ABL1: variants seen among roughly 807,000 people sequenced by gnomAD.
ABL1 encodes ABL proto-oncogene 1, non-receptor tyrosine kinase, also known as tyrosine-protein kinase ABL1.
In ABL1, 11 loss-of-function variants were observed where a neutral mutation model predicts 94.7. The observed-to-expected ratio is 0.12, with a 90% CI of 0.07 to 0.19. ABL1 has a LOEUF of 0.19. Among genes scored for constraint, ABL1 ranks in the 10% least tolerant of loss-of-function variants. The probability of loss-of-function intolerance (pLI) is 1.00; values close to 1 mark genes in which losing one functional copy is unlikely to be tolerated. For missense variants in ABL1, 1,082 were observed against 1,489.4 expected (o/e 0.73, Z 4.50); for synonymous variants, 656 against 622.4 (o/e 1.05, Z -0.80).
chr9:130,872,092 C>A lies in ABL1; in HGVS notation c.823-37C>A, dbSNP rs1410714271. ...GTACTTACCCACTGAAAAGCACTTC[C>A]TGAAATAATTTCACCTTCGTTTTTT... On this transcript the variant is annotated intron_variant, in intron 4 of 10. Coordinates refer to ENST00000318560, the MANE Select transcript of ABL1 (RefSeq NM_005157.6). The surrounding 1 kb of genome is among the most constrained non-coding windows in gnomAD (Gnocchi z 5.0). The A allele has an allele frequency of 1.9e-6, 3 of 1,600,028 alleles. No homozygotes were observed. In the East Asian group the frequency reaches 6.7e-5, roughly 36 times the overall value.
intron 1 of ABL1, chr9:130,725,081 T>TA (rs1449470187): frequency 4.7e-6 from 1 of 210,656 alleles, no homozygotes; most frequent in Non-Finnish European, 9.9e-6. Flanking sequence ...TTTATTGTGG[T>TA]AAAATATACA....
intron 1 of ABL1, among the ~76,000 whole-genome samples, chr9:130,837,077 C>T (rs1830600865): frequency 6.6e-6 from 1 of 152,140 alleles, no homozygotes; most frequent in Admixed American, 6.5e-5. Flanking sequence ...AGTTTGTGTA[C>T]CTCACTCCTC....
intron 1 of ABL1, among the ~76,000 whole-genome samples, chr9:130,727,255 C>G (rs1212761356): frequency 7.1e-6 from 1 of 140,888 alleles, no homozygotes; most frequent in Non-Finnish European, 1.5e-5. Context: ...TTTGTAGAGA[C>G]AAGGTTTCAC....
chr9:130,873,176 C>A, intron 6 of ABL1, 139 bp downstream of exon 6: 2 of 900,680 alleles, frequency 2.2e-6, no homozygotes, highest in Non-Finnish European at 3.3e-6. Flanking sequence ...GACCTTGGAA[C>A]AAAGGCAAAC....
intron 1 of ABL1, among the ~76,000 whole-genome samples, chr9:130,777,144 T>C (rs1352294284): frequency 6.6e-6 from 1 of 152,260 alleles, no homozygotes; most frequent in Non-Finnish European, 1.5e-5. Context: ...GTTTGGATTA[T>C]CTCCAGTTTC....
exon 1 of ABL1, among the ~76,000 whole-genome samples, chr9:130,713,091 T>TGGAGCC (rs2132659426): frequency 6.6e-6 from 1 of 152,332 alleles, no homozygotes; most frequent in South Asian, 2.1e-4. Context: ...TGAGCAGCGC[T>TGGAGCC]GGAGCCGGAG....
chr9:130,760,404 G>C (rs1832096004), intron 1 of ABL1, among the ~76,000 whole-genome samples: 1 of 152,074 alleles, frequency 6.6e-6, no homozygotes, highest in South Asian at 2.1e-4. Flanking sequence ...CAAGAAATCT[G>C]TTGTTCCTGG....
chr9:130,821,658 CTGAGTCTTTTTTTTTTTTTT>C (rs1258989815), intron 1 of ABL1, among the ~76,000 whole-genome samples: 1 of 149,060 alleles, frequency 6.7e-6, no homozygotes, highest in Non-Finnish European at 1.5e-5. Flanking sequence ...AGTAAAATTG[CTGAGTCTTTTTTTTTTTTTT>C]TGAGATGGAG....
chr9:130,769,594 C>A (rs1832227653), intron 1 of ABL1, among the ~76,000 whole-genome samples: 1 of 152,052 alleles, frequency 6.6e-6, no homozygotes, highest in South Asian at 2.1e-4. Context: ...CCACCTTGGC[C>A]TCCCAAGGTG....
chr9:130,723,083 C>G (rs896462797), intron 1 of ABL1, among the ~76,000 whole-genome samples: 1 of 152,158 alleles, frequency 6.6e-6, no homozygotes. Flanking sequence ...TTTTCTGTGA[C>G]TAGGGGGTAA....
intron 1 of ABL1, among the ~76,000 whole-genome samples, chr9:130,799,679 A>C (rs1202144356): frequency 6.6e-6 from 1 of 152,208 alleles, no homozygotes; most frequent in East Asian, 1.9e-4. Flanking sequence ...GTTGACCATT[A>C]TTAATATCAT....
Position 130,887,113 on chromosome 9 carries a change from C to T in ABL1, c.*1430C>T, listed in dbSNP as rs1054645461. ...TTGACAGAGCAGCTAACTCCGAGAG[C>T]AGTGGGCAGGTGGCCGCCCCTGAGG... is the stretch of plus-strand genomic sequence containing the variant. On this transcript the variant is annotated 3_prime_UTR_variant, in exon 11 of 11. Transcript: ENST00000318560. The T allele has an allele frequency of 6.9e-5, 16 of 233,202 alleles. No homozygotes were observed. In the South Asian group the frequency reaches 2.9e-3, roughly 42 times the overall value. The allele number at this position is 233,202 out of a possible 1,614,324, so 14.4% of individuals were successfully genotyped here. A position where few individuals can be genotyped will look rare whatever the true frequency, so the allele number is the denominator to read the frequency against.
intron 1 of ABL1, among the ~76,000 whole-genome samples, chr9:130,764,341 T>G (rs1309758972): frequency 6.6e-6 from 1 of 152,188 alleles, no homozygotes; most frequent in Non-Finnish European, 1.5e-5. Flanking sequence ...CTTTTCAAGT[T>G]TTATTTCATT....
upstream of ABL1, among the ~76,000 whole-genome samples, chr9:130,834,427 A>G (rs777361605): frequency 5.3e-5 from 8 of 152,220 alleles, no homozygotes; most frequent in Non-Finnish European, 1.0e-4. Flanking sequence ...GGTGTGCGCC[A>G]GTAACACGAC....
At chr9:130,776,659 A>G (rs1832315570) in intron 1 of ABL1, among the ~76,000 whole-genome samples, 1 of 151,350 alleles carries the variant, frequency 6.6e-6, no homozygotes, top group Admixed American at 6.6e-5. Context: ...GCTGGTGTGA[A>G]GTTGGTAGCC....
chr9:130,856,997 C>T (rs1830985059), intron 3 of ABL1, among the ~76,000 whole-genome samples: 1 of 152,212 alleles, frequency 6.6e-6, no homozygotes, highest in Non-Finnish European at 1.5e-5. Flanking sequence ...TACACCACCA[C>T]CCAGCCCTCA....
intron 1 of ABL1, among the ~76,000 whole-genome samples, chr9:130,790,091 A>G (rs896949714): frequency 2.7e-4 from 41 of 152,390 alleles, no homozygotes; most frequent in Middle Eastern, 3.4e-3. Flanking sequence ...ACGGAGGCCC[A>G]TAGGCCATGT....
chr9:130,751,129 C>CTTT (rs60206110), intron 1 of ABL1, among the ~76,000 whole-genome samples: 1,510 of 57,452 alleles, frequency 0.026, 457 homozygotes, highest in East Asian at 0.12. Flanking sequence ...TTTTATTCAG[C>CTTT]TTTTTTTTTT....
At position 130,781,368 on chromosome 9, in the gene ABL1, C is replaced by G. The variant is rs1372524824; in HGVS notation, c.136+66913C>G. ...ACTTGCCCGTGTGGGTGCCCCATCC[C>G]CACCCTCAGGCACACACGCACTCTT... On this transcript the variant is annotated intron_variant, in intron 1 of 10. Coordinates refer to the ABL1 transcript ENST00000372348. Among the ~76,000 whole-genome samples the G allele has an allele frequency of 2.6e-5, 4 of 152,150 alleles. No homozygotes were observed. The East Asian group carries it at 7.7e-4, about 29-fold the overall frequency.
Sources: gnomAD v4.1 joint callset for allele counts (sites outside exome capture counted in the v4.1 genomes callset) on GRCh38, gnomAD v4.1.1 for gene constraint, Gnocchi (gnomAD v3.1) non-coding constraint, MANE v1.5 for transcripts, NCBI Gene and HGNC (gene_info 2026-07-23, HGNC 2026-07-21) for gene names.